Variants in UBE2D3 observed in about 807,000 individuals in gnomAD.
UBE2D3 encodes the protein ubiquitin-conjugating enzyme E2 D3.
Under a neutral mutation model 22.8 loss-of-function variants are expected in UBE2D3, and 2 were observed. The observed-to-expected ratio is 0.09, with a 90% CI of 0.04 to 0.28. The LOEUF is 0.28. UBE2D3 is among the 10% of genes least tolerant of loss of function. The pLI is 1.00. For missense variants in UBE2D3, 27 were observed against 182.5 expected (o/e 0.15, Z 4.91); for synonymous variants, 56 against 60.4 (o/e 0.93, Z 0.34).
chr4:102,829,054 T>A (rs993462712), upstream of UBE2D3, among the ~76,000 whole-genome samples: 14 of 152,196 alleles, frequency 9.2e-5, no homozygotes, highest in Non-Finnish European at 1.5e-4. Flanking sequence ...ATGATGAATA[T>A]AAGTAGTCTA....
At chr4:102,847,448 G>A (rs1732094047) in intron 1 of UBE2D3, among the ~76,000 whole-genome samples, 1 of 151,848 alleles carries the variant, frequency 6.6e-6, no homozygotes, top group Non-Finnish European at 1.5e-5. Flanking sequence ...ACCACACCCA[G>A]CTAATTTTTG....
chr4:102,801,578 A>C lies in UBE2D3; in HGVS notation c.199-19T>G. ...ATGCAACCTAAAACAAAAACTTTTA[A>C]GTATTTTATTCAAATAAAAACAAAC... On this transcript the variant is annotated intron_variant, in intron 5 of 7. Transcript: ENST00000453744. The C allele has an allele frequency of 2.6e-6, 4 of 1,557,622 alleles. No individual in the cohort carries two copies. The highest frequency in any genetic ancestry group is 3.5e-6 in the Non-Finnish European group (4 of 1,142,494).
chr4:102,809,477 C>T (rs1432936946), intron 4 of UBE2D3, 195 bp downstream of exon 4: 3 of 619,248 alleles, frequency 4.8e-6, no homozygotes, highest in Non-Finnish European at 8.4e-6. Context: ...AACGTGAACA[C>T]AGGGATAGAC....
At chr4:102,828,460 G>A (rs1730907437), upstream of UBE2D3, among the ~76,000 whole-genome samples, 1 of 152,136 alleles carries the variant, frequency 6.6e-6, no homozygotes, top group African/African-American at 2.4e-5. Flanking sequence ...GTGCACGTCT[G>A]ACCCTAAGGG....
intron 2 of UBE2D3, among the ~76,000 whole-genome samples, chr4:102,814,041 T>C (rs1434759755): frequency 6.6e-6 from 1 of 152,164 alleles, no homozygotes; most frequent in African/African-American, 2.4e-5. Flanking sequence ...CACACACCCT[T>C]TATATGCTTG....
intron 1 of UBE2D3, among the ~76,000 whole-genome samples, chr4:102,850,548 T>C (rs769110833): frequency 3.3e-5 from 5 of 152,138 alleles, no homozygotes; most frequent in African/African-American, 7.2e-5. Context: ...TAGTGTAATA[T>C]AGTGGAAATA....
chr4:102,825,843 G>A (rs1402626121), intron 2 of UBE2D3: 7 of 449,964 alleles, frequency 1.6e-5, no homozygotes, highest in East Asian at 7.0e-5. Flanking sequence ...AAATAGCTTC[G>A]GGTGAAAAGC....
At chr4:102,828,754 G>A (rs1275776090), upstream of UBE2D3, among the ~76,000 whole-genome samples, 1 of 152,322 alleles carries the variant, frequency 6.6e-6, no homozygotes, top group Non-Finnish European at 1.5e-5. Flanking sequence ...GTTGGGAGGT[G>A]GGATTTACCT....
intron 4 of UBE2D3, among the ~76,000 whole-genome samples, chr4:102,805,787 T>C (rs972780096): frequency 3.3e-5 from 5 of 151,674 alleles, no homozygotes; most frequent in African/African-American, 1.2e-4. Context: ...TATTTCTACT[T>C]GGATATCTCT....
intron 6 of UBE2D3, among the ~76,000 whole-genome samples, chr4:102,800,426 CA>C (rs1725971485): frequency 6.6e-6 from 1 of 151,828 alleles, no homozygotes; most frequent in Admixed American, 6.6e-5. Flanking sequence ...GTATGGCTGC[CA>C]AAAAAGTAAG....
At chr4:102,868,838 C>G (rs1245803448) in exon 1 of UBE2D3, 1 of 1,576,434 alleles carries the variant, frequency 6.3e-7, no homozygotes, top group East Asian at 2.3e-5. Context: ...CACCTTCACA[C>G]GAGATTCCGA....
chr4:102,867,054 A>G (rs223334), intron 1 of UBE2D3, among the ~76,000 whole-genome samples: 84,680 of 152,092 alleles, frequency 0.56, 24,403 homozygotes, highest in African/African-American at 0.72. Context: ...ACCATCTTCT[A>G]TACTGCCCTA....
chr4:102,827,638 C>G, upstream of UBE2D3: 1 of 986,750 alleles, frequency 1.0e-6, no homozygotes. Flanking sequence ...GTCCCGAGCA[C>G]AAGACCGATG....
chr4:102,868,655 C>T (rs1236921562), intron 1 of UBE2D3: 7 of 1,613,182 alleles, frequency 4.3e-6, no homozygotes, highest in Non-Finnish European at 5.9e-6. Flanking sequence ...CCACAGCACC[C>T]AAACTGTAGG....
intron 1 of UBE2D3, among the ~76,000 whole-genome samples, chr4:102,839,678 C>T (rs1021463983): frequency 1.3e-5 from 2 of 152,118 alleles, no homozygotes; most frequent in Non-Finnish European, 2.9e-5. Context: ...AAATGTAAGA[C>T]CTGAAGCTAT....
At chr4:102,833,299 T>C (rs759229830) in intron 1 of UBE2D3, among the ~76,000 whole-genome samples, 11 of 152,170 alleles carry the variant, frequency 7.2e-5, no homozygotes, top group Non-Finnish European at 1.6e-4. Context: ...TGGGAGACTT[T>C]TGTTCATTCT....
At chr4:102,835,303 G>T (rs1384550639) in intron 1 of UBE2D3, among the ~76,000 whole-genome samples, 1 of 152,076 alleles carries the variant, frequency 6.6e-6, no homozygotes, top group East Asian at 1.9e-4. Flanking sequence ...TGTTTACATT[G>T]TACTAAGTAT....
chr4:102,797,225 T>C lies in UBE2D3; in HGVS notation c.*190A>G, dbSNP rs929615318. ...ACTTTACAGTTTCTAAAAGCAGTTA[T>C]TGTCCAAAGCTGGAAGAACTTAAGT... On this transcript the variant is annotated 3_prime_UTR_variant, in exon 8 of 8. Coordinates refer to ENST00000453744, the MANE Select transcript of UBE2D3 (RefSeq NM_181891.3). The C allele has an allele frequency of 5.0e-5, 24 of 478,302 alleles. No individual in the cohort carries two copies. In the Admixed American group the frequency reaches 7.3e-4, roughly 15 times the overall value. The allele number at this position is 478,302 out of a possible 1,614,324, so 29.6% of individuals were successfully genotyped here.
At chr4:102,828,215 TCA>T (rs1730883332), upstream of UBE2D3, 20 of 985,260 alleles carry the variant, frequency 2.0e-5, no homozygotes, top group Non-Finnish European at 2.4e-5. Context: ...CAGCCTTGTC[TCA>T]CGCGCCCAAT....
Sources: allele counts gnomAD v4.1 joint callset (sites outside exome capture counted in the v4.1 genomes callset), GRCh38; gene constraint gnomAD v4.1.1; transcripts MANE v1.5; gene names NCBI Gene and HGNC (gene_info 2026-07-23, HGNC 2026-07-21).